The following RASEF variants were observed in gnomAD, a reference collection of about 807,000 sequenced individuals.
RASEF encodes ras and EF-hand domain-containing protein.
In RASEF, 68 loss-of-function variants were observed where a neutral mutation model predicts 90.1. That is an observed-to-expected ratio of 0.75 (90% CI 0.62 to 0.92). The LOEUF is 0.92. RASEF is among the 40% of genes least tolerant of loss of function. The pLI is 0.00. For synonymous variants in RASEF, 331 were observed against 345.2 expected (o/e 0.96, Z 0.46); for missense variants, 949 against 937.2 (o/e 1.01, Z -0.16).
intron 1 of RASEF, among the ~76,000 whole-genome samples, chr9:83,036,425 C>T (rs1829742490): frequency 1.3e-5 from 2 of 152,190 alleles, no homozygotes; most frequent in African/African-American, 4.8e-5. Context: ...GAAATATGTA[C>T]AGAAAACAGA....
chr9:82,988,377 AAAAC>A (rs146035491), intron 16 of RASEF, among the ~76,000 whole-genome samples: 4,358 of 152,306 alleles, frequency 0.029, 108 homozygotes, highest in South Asian at 0.077. Context: ...TTCACAGCCA[AAAAC>A]AAACAAACAT....
chr9:83,062,953 C>A lies in RASEF; in HGVS notation c.-86G>T, dbSNP rs1180749956. ...GGAAGGACGGGGCCACCTGCTGCCG[C>A]CGGGAGGCCCGGCGAGTTTGGCTCG... On this transcript the variant is annotated 5_prime_UTR_variant, in exon 1 of 17. Coordinates refer to ENST00000376447, the MANE Select transcript of RASEF (RefSeq NM_152573.4). 1.4e-5 allele frequency: 18 copies of A among 1,308,742 alleles called. No homozygotes were observed. Among genetic ancestry groups the A allele is most frequent in the Non-Finnish European group, 1.8e-5 (18 of 1,017,882 alleles). 81.1% of individuals were successfully genotyped at this position (1,308,742 alleles called of 1,614,324 possible).
At chr9:83,013,021 G>C (rs753725765) in intron 4 of RASEF, among the ~76,000 whole-genome samples, 1 of 152,182 alleles carries the variant, frequency 6.6e-6, no homozygotes, top group Non-Finnish European at 1.5e-5. Flanking sequence ...AATAAAATCT[G>C]AGTATAACAG....
the RASEF span, among the ~76,000 whole-genome samples, chr9:83,213,342 G>A: frequency 6.6e-6 from 1 of 150,940 alleles, no homozygotes. Flanking sequence ...AGAGGTTGCA[G>A]TGAGCTGAGA....
At chr9:83,074,483 G>A in the RASEF span, among the ~76,000 whole-genome samples, 2 of 152,146 alleles carry the variant, frequency 1.3e-5, no homozygotes. Flanking sequence ...CCCTTTGAGA[G>A]ATATCAGATG....
Position 83,012,455 on chromosome 9 carries a change from T to G in RASEF, c.822A>C (p.Lys274Asn), listed in dbSNP as rs771423913. 1.9e-6 allele frequency: 3 copies of G among 1,582,818 alleles called. No individual in the cohort carries two copies. Among genetic ancestry groups the G allele is most frequent in the South Asian group, 2.3e-5 (2 of 86,794 alleles). The change falls in exon 5 of 17, where the codon AAA (lysine) becomes AAC (asparagine). Residue 274 changes from lysine to asparagine, a missense_variant. Physicochemically the swap from Lys to Asn is moderately conservative, Grantham distance 94. Around this residue, in one of 3 missense-constraint regions of RASEF, gnomAD observed 656 missense variants for 592.2 expected, o/e 1.11. Coordinates refer to ENST00000376447, the MANE Select transcript of RASEF (RefSeq NM_152573.4). ...TTACCATTGATAAATCATAAATTTG[T>G]TTTTTCAATGCAGCCACATCTTCCT... is the stretch of plus-strand genomic sequence containing the variant. ...SQKEDVAALK[K>N]QIYDLSMENQ...
At chr9:83,017,743 A>C (rs1014701206) in intron 3 of RASEF, among the ~76,000 whole-genome samples, 1 of 152,252 alleles carries the variant, frequency 6.6e-6, no homozygotes, top group East Asian at 1.9e-4. Flanking sequence ...ATAAGACAAA[A>C]GCATTAAAAG....
At chr9:83,087,397 C>CTCAT in the RASEF span, among the ~76,000 whole-genome samples, 5 of 144,542 alleles carry the variant, frequency 3.5e-5, 1 homozygote, top group African/African-American at 1.4e-4. Context: ...TACAAATGTT[C>CTCAT]TCATTCATTC....
At chr9:83,120,827 A>C in the RASEF span, among the ~76,000 whole-genome samples, 1 of 152,222 alleles carries the variant, frequency 6.6e-6, no homozygotes, top group Admixed American at 6.5e-5. Context: ...GTGATACAGC[A>C]TTAATTCAAT....
chr9:83,012,417 G>A lies in RASEF; in HGVS notation c.843+17C>T, dbSNP rs371024960. On this transcript the variant is annotated intron_variant, in intron 5 of 16. Transcript: ENST00000376447. Reference sequence around the variant, plus strand: ...TAACAGGAAGTGCATTTCTGTAAGTGAAAAGGTAATTCTTACCATTGATAA... The same window carrying A: ...TAACAGGAAGTGCATTTCTGTAAGTAAAAAGGTAATTCTTACCATTGATAA... 8.5e-6 allele frequency: 12 copies of A among 1,410,172 alleles called. No homozygotes were observed. The African/African-American group carries it at 1.6e-4, about 19-fold the overall frequency. The allele number at this position is 1,410,172 out of a possible 1,614,324, so 87.4% of individuals were successfully genotyped here. A position where few individuals can be genotyped will look rare whatever the true frequency, so the allele number is the denominator to read the frequency against.
chr9:83,134,451 T>C, the RASEF span, among the ~76,000 whole-genome samples: 751 of 96,352 alleles, frequency 7.8e-3, 1 homozygote, highest in Middle Eastern at 0.023. Context: ...CACACACACA[T>C]ATATATATAT....
chr9:83,181,414 G>A, the RASEF span, among the ~76,000 whole-genome samples: 1 of 152,146 alleles, frequency 6.6e-6, no homozygotes, highest in African/African-American at 2.4e-5. Flanking sequence ...ATCATATTGA[G>A]GAAGGACCAA....
At chr9:82,986,701 C>T (rs1352221970) in intron 16 of RASEF, among the ~76,000 whole-genome samples, 1 of 152,216 alleles carries the variant, frequency 6.6e-6, no homozygotes, top group Non-Finnish European at 1.5e-5. Context: ...GACAGATTTA[C>T]ACCCAATGGG....
chr9:83,165,124 A>G, the RASEF span, among the ~76,000 whole-genome samples: 1 of 152,214 alleles, frequency 6.6e-6, no homozygotes, highest in Non-Finnish European at 1.5e-5. Flanking sequence ...GTATGGACAT[A>G]AACTCAACAA....
At chr9:83,099,393 T>C in the RASEF span, among the ~76,000 whole-genome samples, 1 of 152,284 alleles carries the variant, frequency 6.6e-6, no homozygotes, top group South Asian at 2.1e-4. Flanking sequence ...CATAAAAAGA[T>C]GGAAAATCAT....
In RASEF at chr9:83,027,666, G is replaced by A. The variant is rs1327067093; in HGVS notation, c.432-1745C>T. On this transcript the variant is annotated intron_variant, in intron 1 of 16. Transcript: ENST00000376447. ...ACCAGATTCAGTAGCTGATCTGAAA[G>A]AGGATAAAGGAACTAGTTGGTGAGG... Among the ~76,000 whole-genome samples the A allele has an allele frequency of 2.0e-5, 3 of 152,212 alleles. No individual in the cohort carries two copies. The East Asian group carries it at 5.8e-4, about 29-fold the overall frequency.
intron 1 of RASEF, chr9:83,055,570 T>C (rs1214386107): frequency 8.4e-6 from 6 of 717,140 alleles, no homozygotes; most frequent in Non-Finnish European, 1.6e-5. Flanking sequence ...GGCTCCTCCC[T>C]CCTCGATTGT....
the RASEF span, among the ~76,000 whole-genome samples, chr9:83,193,908 A>G: frequency 1.3e-5 from 2 of 152,214 alleles, no homozygotes; most frequent in African/African-American, 4.8e-5. Context: ...GAGTCAGCCT[A>G]TGAAGTTCGA....
the RASEF span, among the ~76,000 whole-genome samples, chr9:83,096,435 T>C: frequency 6.6e-6 from 1 of 152,120 alleles, no homozygotes; most frequent in African/African-American, 2.4e-5. Context: ...CCACCTTTGC[T>C]GGGGTCTGGT....
Sources: gnomAD v4.1 joint callset for allele counts (sites outside exome capture counted in the v4.1 genomes callset) on GRCh38, gnomAD v4.1.1 for gene constraint, gnomAD v4.1.1 regional missense constraint, MANE v1.5 for transcripts, NCBI Gene and HGNC (gene_info 2026-07-23, HGNC 2026-07-21) for gene names.